Variants in PDE4B observed in about 807,000 individuals in gnomAD.
The protein encoded by PDE4B is phosphodiesterase 4B, also known as 3',5'-cyclic-AMP phosphodiesterase 4B.
In PDE4B, 20 loss-of-function variants were observed where a neutral mutation model predicts 82.2. The ratio of observed to expected loss-of-function variants is 0.24; its 90% CI spans 0.17 to 0.35. The LOEUF (loss-of-function observed/expected upper bound fraction) is 0.35, where lower values mean the gene tolerates loss of function less well. PDE4B is among the 10% of genes least tolerant of loss of function. The pLI is 1.00. For missense variants in PDE4B, 655 were observed against 907.2 expected, an observed-to-expected ratio of 0.72 and a Z score of 3.57; for synonymous variants, 320 against 318.9, an observed-to-expected ratio of 1.00 and a Z score of -0.04.
chr1:66,124,469 A>G (rs960013628), intron 3 of PDE4B, among the ~76,000 whole-genome samples: 1 of 152,226 alleles, frequency 6.6e-6, no homozygotes, highest in South Asian at 2.1e-4. Flanking sequence ...TAGATGTTAG[A>G]ATGACGGAAT....
At chr1:65,958,118 T>C (rs989002941) in intron 3 of PDE4B, among the ~76,000 whole-genome samples, 1 of 152,102 alleles carries the variant, frequency 6.6e-6, no homozygotes, top group African/African-American at 2.4e-5. Flanking sequence ...GTTGTAGGCT[T>C]TTTATAGATG....
intron 3 of PDE4B, among the ~76,000 whole-genome samples, chr1:65,975,536 T>A (rs1284319074): frequency 6.6e-6 from 1 of 152,214 alleles, no homozygotes; most frequent in Non-Finnish European, 1.5e-5. Context: ...AGCTGAATGA[T>A]AATAGCCAAG....
At chr1:65,848,358 A>C (rs1299536745) in intron 1 of PDE4B, among the ~76,000 whole-genome samples, 1 of 152,066 alleles carries the variant, frequency 6.6e-6, no homozygotes, top group Non-Finnish European at 1.5e-5. Context: ...GTTGGCCAGG[A>C]TGGTCTCGAT....
chr1:66,218,454 C>T (rs1650685495), intron 3 of PDE4B, among the ~76,000 whole-genome samples: 1 of 152,122 alleles, frequency 6.6e-6, no homozygotes, highest in Non-Finnish European at 1.5e-5. Context: ...TGACTCCAGC[C>T]ATGCTTTGGG....
At chr1:66,198,964 T>C (rs1415738340) in intron 3 of PDE4B, among the ~76,000 whole-genome samples, 1 of 152,154 alleles carries the variant, frequency 6.6e-6, no homozygotes, top group Non-Finnish European at 1.5e-5. Context: ...GGCTGCATAG[T>C]ATTCCATGGT....
At chr1:66,116,855 G>A (rs1043461277) in intron 3 of PDE4B, among the ~76,000 whole-genome samples, 4 of 152,026 alleles carry the variant, frequency 2.6e-5, no homozygotes, top group East Asian at 1.9e-4. Context: ...GTGAGCCACC[G>A]CACCTGGCAT....
At chr1:66,120,754 A>C (rs1312205854) in intron 3 of PDE4B, among the ~76,000 whole-genome samples, 1 of 151,648 alleles carries the variant, frequency 6.6e-6, no homozygotes, top group Non-Finnish European at 1.5e-5. Context: ...ACCCCTCTCT[A>C]TTTTTCCTTC....
chr1:66,135,102 A>T (rs1445988043), intron 3 of PDE4B, among the ~76,000 whole-genome samples: 1 of 152,236 alleles, frequency 6.6e-6, no homozygotes, highest in Non-Finnish European at 1.5e-5. Flanking sequence ...GAATGAACAG[A>T]CAGTGAAGCA....
chr1:66,362,129 T>A (rs779632005), intron 10 of PDE4B, among the ~76,000 whole-genome samples: 3 of 152,202 alleles, frequency 2.0e-5, no homozygotes, highest in Non-Finnish European at 4.4e-5. Context: ...GTTAGGTTTT[T>A]ATGGACAGTT....
At chr1:66,059,921 G>A (rs1028844640) in intron 3 of PDE4B, among the ~76,000 whole-genome samples, 2 of 151,972 alleles carry the variant, frequency 1.3e-5, no homozygotes, top group African/African-American at 2.4e-5. Context: ...AACAATTTCT[G>A]GCCAAAATGG....
chr1:66,030,390 C>T (rs1271526060), intron 3 of PDE4B, among the ~76,000 whole-genome samples: 1 of 152,162 alleles, frequency 6.6e-6, no homozygotes, highest in Non-Finnish European at 1.5e-5. Context: ...AGAAGCCCCT[C>T]CTCCTTGACT....
chr1:66,371,494 C>G (rs1461371851), intron 16 of PDE4B, among the ~76,000 whole-genome samples: 2 of 152,114 alleles, frequency 1.3e-5, no homozygotes, highest in Non-Finnish European at 1.5e-5. Flanking sequence ...CCTGAGTAAA[C>G]CATAACAGAG....
chr1:65,929,831 G>T (rs999982729), intron 3 of PDE4B, among the ~76,000 whole-genome samples: 4 of 152,094 alleles, frequency 2.6e-5, no homozygotes, highest in African/African-American at 9.7e-5. Flanking sequence ...CCATGCCAAG[G>T]ACTATCAGTG....
At chr1:65,885,284 AT>A (rs1646760137) in intron 1 of PDE4B, among the ~76,000 whole-genome samples, 1 of 152,234 alleles carries the variant, frequency 6.6e-6, no homozygotes, top group African/African-American at 2.4e-5. Context: ...TAGCTCAACC[AT>A]TGTGGAAGAC....
intron 3 of PDE4B, among the ~76,000 whole-genome samples, chr1:66,054,268 A>G (rs920510406): frequency 1.3e-5 from 2 of 152,220 alleles, no homozygotes; most frequent in African/African-American, 4.8e-5. Flanking sequence ...TTAGTTAGAC[A>G]GGAACATGCA....
intron 6 of PDE4B, 43 bp downstream of exon 6, chr1:66,257,906 A>C: frequency 7.5e-7 from 1 of 1,337,902 alleles, no homozygotes; most frequent in Non-Finnish European, 1.1e-6. Context: ...CCTAACATAA[A>C]GGCAAAAAAT....
chr1:66,036,315 T>G (rs1203069558), intron 3 of PDE4B, among the ~76,000 whole-genome samples: 1 of 152,106 alleles, frequency 6.6e-6, no homozygotes, highest in Non-Finnish European at 1.5e-5. Context: ...CTGTGCAGAG[T>G]TTTTTGGTTT....
At chr1:66,082,940 A>T (rs1299828817) in intron 3 of PDE4B, among the ~76,000 whole-genome samples, 1 of 152,088 alleles carries the variant, frequency 6.6e-6, no homozygotes, top group African/African-American at 2.4e-5. Flanking sequence ...AATTACTATG[A>T]TTAGGCTTGA....
rs1646268476 is a variant in PDE4B, at chr1:65,846,373, G to A, written c.-71+53125G>A. 1.3e-5 allele frequency among the ~76,000 whole-genome samples: 2 copies of A among 152,112 alleles called. 1 individual carries two copies. The highest frequency in any genetic ancestry group is 2.9e-5 in the Non-Finnish European group (2 of 68,022). On this transcript the variant is annotated intron_variant, in intron 1 of 16. Coordinates refer to ENST00000341517, the MANE Select transcript of PDE4B (RefSeq NM_002600.4). ...AGTATATTTTAATAGATAAACATAGGGCAAGGTTGTGGAATTCAGAGAGGC... is the reference window on the plus strand; with the variant it reads ...AGTATATTTTAATAGATAAACATAGAGCAAGGTTGTGGAATTCAGAGAGGC...
Sources: allele counts gnomAD v4.1 joint callset (sites outside exome capture counted in the v4.1 genomes callset), GRCh38; gene constraint gnomAD v4.1.1; transcripts MANE v1.5; gene names NCBI Gene and HGNC (gene_info 2026-07-23, HGNC 2026-07-21).